Variants in KDM2A observed in about 807,000 individuals in gnomAD.
The protein encoded by KDM2A is lysine-specific demethylase 2A.
In KDM2A, 3 loss-of-function variants were observed where a neutral mutation model predicts 137.3. That is an observed-to-expected ratio of 0.02 (90% CI 0.01 to 0.06). The LOEUF (loss-of-function observed/expected upper bound fraction) is 0.06. Among genes scored for constraint, KDM2A ranks in the 10% least tolerant of loss-of-function variants. KDM2A has a pLI of 1.00. For missense variants in KDM2A, 738 were observed against 1,510.6 expected, an observed-to-expected ratio of 0.49 and a Z score of 8.48; for synonymous variants, 512 against 541.5, an observed-to-expected ratio of 0.95 and a Z score of 0.76.
intron 2 of KDM2A, among the ~76,000 whole-genome samples, chr11:67,136,506 G>A (rs1172325025): frequency 6.6e-6 from 1 of 152,034 alleles, no homozygotes; most frequent in Admixed American, 6.6e-5. Context: ...ATTTTATTTG[G>A]GTCTTCTAAA....
chr11:67,137,418 T>G (rs1057506027), intron 2 of KDM2A, among the ~76,000 whole-genome samples: 1 of 152,028 alleles, frequency 6.6e-6, no homozygotes, highest in East Asian at 1.9e-4. Context: ...GGTAAGACAA[T>G]GATGTGGTAT....
At chr11:67,159,502 C>T (rs1206483895) in intron 2 of KDM2A, among the ~76,000 whole-genome samples, 2 of 152,166 alleles carry the variant, frequency 1.3e-5, no homozygotes, top group Non-Finnish European at 2.9e-5. Flanking sequence ...GATGATTGAG[C>T]ACTTCAAATT....
At chr11:67,125,411 G>C (rs1855697246) in intron 2 of KDM2A, among the ~76,000 whole-genome samples, 1 of 151,690 alleles carries the variant, frequency 6.6e-6, no homozygotes, top group African/African-American at 2.4e-5. Flanking sequence ...GAACTCCTGG[G>C]CTCAAACGAT....
intron 5 of KDM2A, among the ~76,000 whole-genome samples, chr11:67,188,867 T>G (rs909612390): frequency 6.7e-6 from 1 of 149,816 alleles, no homozygotes; most frequent in African/African-American, 2.5e-5. Context: ...CAAGAAGATA[T>G]AACAATTACA....
chr11:67,205,568 C>T (rs1006366171), intron 5 of KDM2A, among the ~76,000 whole-genome samples: 33 of 152,162 alleles, frequency 2.2e-4, no homozygotes, highest in African/African-American at 6.5e-4. Flanking sequence ...GCCGGGATTA[C>T]GGGCACGCAC....
At chr11:67,203,636 C>CATG (rs1857714739) in intron 5 of KDM2A, among the ~76,000 whole-genome samples, 1 of 151,158 alleles carries the variant, frequency 6.6e-6, no homozygotes, top group South Asian at 2.1e-4. Flanking sequence ...GCACTGTAGT[C>CATG]CCAGCTACTC....
chr11:67,246,092 G>C lies in KDM2A; in HGVS notation c.1941G>C (p.Glu647Asp), dbSNP rs978269729. 17 of 1,613,840 alleles carry C rather than the reference G, an allele frequency of 1.1e-5. No homozygotes were observed. In the Admixed American group the frequency reaches 2.2e-4, roughly 21 times the overall value. The change falls in exon 15 of 21, where the codon GAG becomes GAC. Residue 647 changes from glutamate to aspartate, a missense_variant. Transcript: ENST00000529006. Reference protein sequence around the residue: ...KKLMECCICNEIVHPGCLQMD... With the variant: ...KKLMECCICNDIVHPGCLQMD... ...TCATGGAATGCTGTATCTGCAATGA[G>C]ATTGTTCATCCTGGCTGCCTCCAGG...
At chr11:67,153,316 T>A (rs985278760) in intron 2 of KDM2A, among the ~76,000 whole-genome samples, 1 of 151,972 alleles carries the variant, frequency 6.6e-6, no homozygotes, top group Non-Finnish European at 1.5e-5. Context: ...TACAAGGACG[T>A]GTAATTGGAA....
intron 2 of KDM2A, among the ~76,000 whole-genome samples, chr11:67,165,019 A>T (rs1336580463): frequency 6.6e-6 from 1 of 152,120 alleles, no homozygotes; most frequent in Non-Finnish European, 1.5e-5. Context: ...AGATGGGGTG[A>T]CTGAACACAT....
intron 9 of KDM2A, 139 bp from the exon 10 acceptor site, chr11:67,219,149 G>A (rs1311824956): frequency 2.1e-5 from 9 of 435,530 alleles, no homozygotes; most frequent in Non-Finnish European, 3.7e-5. Flanking sequence ...GAGGCTTTGA[G>A]AGATTAAGTA....
chr11:67,157,930 AAG>A (rs562569194), intron 2 of KDM2A, among the ~76,000 whole-genome samples: 1 of 152,124 alleles, frequency 6.6e-6, no homozygotes, highest in South Asian at 2.1e-4. Context: ...TCGCAAAAGA[AAG>A]AGAGAGATAC....
intron 10 of KDM2A, 169 bp downstream of exon 10, chr11:67,219,572 T>A (rs999302297): frequency 2.8e-5 from 11 of 387,484 alleles, no homozygotes; most frequent in East Asian, 4.9e-5. Flanking sequence ...TTTTTTTTTT[T>A]AAGGCAGAAT....
At chr11:67,148,693 T>G (rs1286144919) in intron 2 of KDM2A, among the ~76,000 whole-genome samples, 1 of 151,894 alleles carries the variant, frequency 6.6e-6, no homozygotes, top group Non-Finnish European at 1.5e-5. Context: ...CCCAGCTAAT[T>G]GGGAGGCTGA....
chr11:67,252,290 T>C (rs1238034330), intron 17 of KDM2A: 4 of 219,002 alleles, frequency 1.8e-5, no homozygotes, highest in East Asian at 1.2e-4. Flanking sequence ...GAGCAGGCCT[T>C]CTTAGCTTTA....
chr11:67,174,003 C>G (rs552618199), intron 2 of KDM2A, among the ~76,000 whole-genome samples: 1 of 152,260 alleles, frequency 6.6e-6, no homozygotes, highest in African/African-American at 2.4e-5. Flanking sequence ...GCATGAGCCA[C>G]CATGCCCACT....
At chr11:67,196,818 T>A (rs1255941013) in intron 5 of KDM2A, 1 of 199,190 alleles carries the variant, frequency 5.0e-6, no homozygotes, top group African/African-American at 2.4e-5. Context: ...GTGAATATAT[T>A]TAATAACACT....
At chr11:67,196,687 G>C (rs578236742) in intron 5 of KDM2A, 1 of 323,828 alleles carries the variant, frequency 3.1e-6, no homozygotes, top group Non-Finnish European at 6.1e-6. Flanking sequence ...AAATCATGGA[G>C]ACAAAATAGA....
At chr11:67,166,395 A>G (rs1856746040) in intron 2 of KDM2A, among the ~76,000 whole-genome samples, 1 of 152,004 alleles carries the variant, frequency 6.6e-6, no homozygotes, top group Non-Finnish European at 1.5e-5. Flanking sequence ...CAGGTTGGCC[A>G]GGCTGGTCTC....
In KDM2A at chr11:67,180,233, G is replaced by T. The variant is rs776789718; in HGVS notation, c.181+16G>T. On this transcript the variant is annotated intron_variant, in intron 3 of 20. Coordinates refer to ENST00000529006, the MANE Select transcript of KDM2A (RefSeq NM_012308.3). ...GAAGGAAAAGGTCAGTATTGTTTTGGTTCCAGCTTACAGTCCTTTGATGTG... is the reference window on the plus strand; with the variant it reads ...GAAGGAAAAGGTCAGTATTGTTTTGTTTCCAGCTTACAGTCCTTTGATGTG... 6.2e-6 allele frequency: 10 copies of T among 1,611,170 alleles called. No homozygotes were observed. Among genetic ancestry groups the T allele is most frequent in the Admixed American group, 5.0e-5 (3 of 59,540 alleles).
Sources: allele counts gnomAD v4.1 joint callset (sites outside exome capture counted in the v4.1 genomes callset), GRCh38; gene constraint gnomAD v4.1.1; transcripts MANE v1.5; gene names NCBI Gene and HGNC (gene_info 2026-07-23, HGNC 2026-07-21).